CSMD3: variants seen among roughly 807,000 people sequenced by gnomAD.
CSMD3 encodes CUB and Sushi multiple domains 3.
In CSMD3, 177 loss-of-function variants were observed where a neutral mutation model predicts 435.2. The observed-to-expected ratio is 0.41, with a 90% CI of 0.36 to 0.46. The LOEUF is 0.46. Ranked by LOEUF, CSMD3 falls within the 20% of genes least tolerant of loss-of-function variation. The probability of loss-of-function intolerance (pLI) is 0.34; values close to 1 mark genes in which losing one functional copy is unlikely to be tolerated. For synonymous variants in CSMD3, 1,656 were observed against 1,520.5 expected, an observed-to-expected ratio of 1.09 and a Z score of -2.07; for missense variants, 4,265 against 4,504.6, an observed-to-expected ratio of 0.95 and a Z score of 1.52.
At chr8:113,081,074 GA>G (rs2089544258) in intron 5 of CSMD3, among the ~76,000 whole-genome samples, 1 of 151,930 alleles carries the variant, frequency 6.6e-6, no homozygotes, top group African/African-American at 2.4e-5. Flanking sequence ...TAATGTACAG[GA>G]TATTAAAAAG....
rs2131023528 is a variant in CSMD3 at position 112,346,165 on chromosome 8, G to A, written c.6374C>T (p.Pro2125Leu). 1 of 1,613,646 alleles carries A rather than the reference G, an allele frequency of 6.2e-7. No homozygotes were observed. The highest frequency in any genetic ancestry group is 8.5e-7 in the Non-Finnish European group (1 of 1,179,642). The change falls in exon 41 of 71, where the codon CCT becomes CTT. Residue 2125 changes from proline (P) to leucine (L), a missense_variant. This residue lies in a region of CSMD3 where 3,255 missense variants were observed against 3,380.2 expected (regional missense o/e 0.96). Coordinates refer to ENST00000297405, the MANE Select transcript of CSMD3 (RefSeq NM_198123.2). The part of the protein sequence containing the change: ...MSDFSGVILS[P>L]GFPGNYPSSL... The stretch of plus-strand genomic sequence containing the variant: ...GCTGGGATAGTTTCCAGGAAACCCA[G>A]GACTGAGGATCACACCACTGAAGTC...
intron 4 of CSMD3, among the ~76,000 whole-genome samples, chr8:113,116,053 AG>A (rs1428174639): frequency 6.6e-6 from 1 of 152,172 alleles, no homozygotes; most frequent in Non-Finnish European, 1.5e-5. Context: ...CCCTGTATCC[AG>A]GACAGTGAGA....
intron 2 of CSMD3, among the ~76,000 whole-genome samples, chr8:113,294,633 A>G (rs1236127392): frequency 6.6e-6 from 1 of 152,126 alleles, no homozygotes; most frequent in Non-Finnish European, 1.5e-5. Flanking sequence ...TTAGAAAATC[A>G]CCTTGTTCTG....
At chr8:113,394,165 C>CAT (rs1203069264) in intron 1 of CSMD3, among the ~76,000 whole-genome samples, 1 of 137,524 alleles carries the variant, frequency 7.3e-6, no homozygotes, top group East Asian at 2.6e-4. Flanking sequence ...GAATTACACA[C>CAT]ACACACACAC....
At chr8:113,265,514 T>C (rs1453243145) in intron 3 of CSMD3, among the ~76,000 whole-genome samples, 1 of 151,652 alleles carries the variant, frequency 6.6e-6, no homozygotes, top group Non-Finnish European at 1.5e-5. Flanking sequence ...CTGCTTAATG[T>C]CTAAAAGCAT....
At chr8:113,429,894 T>C (rs1399813973) in intron 1 of CSMD3, among the ~76,000 whole-genome samples, 1 of 152,170 alleles carries the variant, frequency 6.6e-6, no homozygotes, top group Non-Finnish European at 1.5e-5. Flanking sequence ...AACTAGCTGA[T>C]ATTTAAGGAC....
intron 5 of CSMD3, among the ~76,000 whole-genome samples, chr8:113,084,159 G>A (rs1248672269): frequency 6.6e-6 from 1 of 152,038 alleles, no homozygotes; most frequent in East Asian, 1.9e-4. Context: ...AAAAGAGAAA[G>A]CCAAATTATC....
rs1221305878 is a variant in CSMD3, at chr8:112,228,836, A to T, written c.10884T>A (p.Ser3628Arg). 6.3e-7 allele frequency: 1 copy of T among 1,590,112 alleles called. No individual in the cohort carries two copies. Among genetic ancestry groups the T allele is most frequent in the Non-Finnish European group, 8.6e-7 (1 of 1,158,912 alleles). ...NSSNQPHGTN[S>R]SSVAIAILVP... ...CAAGAATAGCAATGGCTACAGAACT[A>T]CTATTTGTACCATGAGGTTGATTTG... is the stretch of plus-strand genomic sequence containing the variant. Residue 3628 changes from serine to arginine, a missense_variant, in exon 70 of 71, where the codon AGT becomes AGA. Ser to Arg is a moderately radical substitution (Grantham distance 110). Around this residue, in one of 3 missense-constraint regions of CSMD3, gnomAD observed 3,255 missense variants for 3,380.2 expected, o/e 0.96. Coordinates refer to ENST00000297405, the MANE Select transcript of CSMD3 (RefSeq NM_198123.2).
intron 29 of CSMD3, among the ~76,000 whole-genome samples, chr8:112,505,296 T>A (rs114509252): frequency 4.7e-4 from 71 of 152,266 alleles, no homozygotes; most frequent in African/African-American, 1.5e-3. Context: ...TCAGTGGATC[T>A]GAGGCCTGTA....
In CSMD3 at chr8:112,518,044, G is replaced by T. The variant is rs367608710; in HGVS notation, c.4565-819C>A. Among the ~76,000 whole-genome samples the T allele has an allele frequency of 1.1e-3, 171 of 152,188 alleles. 1 individual carries two copies. The highest frequency in any genetic ancestry group is 3.9e-3 in the African/African-American group (161 of 41,524). On this transcript the variant is annotated intron_variant, in intron 27 of 70. Coordinates refer to ENST00000297405, the MANE Select transcript of CSMD3 (RefSeq NM_198123.2). ...TCATTCAACAGGTAAATGTTTAAAC[G>T]ATGGTAAATCCATGCAATGGAATAT... is the stretch of plus-strand genomic sequence containing the variant.
chr8:112,771,283 T>C (rs994014856), intron 13 of CSMD3, among the ~76,000 whole-genome samples: 2 of 152,046 alleles, frequency 1.3e-5, no homozygotes, highest in African/African-American at 4.8e-5. Flanking sequence ...TTTACGCCTA[T>C]AATCCCAGAA....
chr8:112,416,987 A>C (rs1300256125), intron 32 of CSMD3, among the ~76,000 whole-genome samples: 1 of 152,182 alleles, frequency 6.6e-6, no homozygotes, highest in Non-Finnish European at 1.5e-5. Flanking sequence ...TAAGGGCAGC[A>C]GGTCTCTCTG....
chr8:113,338,703 G>T (rs1588549128), intron 1 of CSMD3, among the ~76,000 whole-genome samples: 1 of 151,964 alleles, frequency 6.6e-6, no homozygotes, highest in East Asian at 1.9e-4. Flanking sequence ...AATGATTAGT[G>T]GTTGATTAGG....
intron 27 of CSMD3, among the ~76,000 whole-genome samples, chr8:112,537,868 A>C (rs1826281047): frequency 6.6e-6 from 1 of 152,094 alleles, no homozygotes; most frequent in Non-Finnish European, 1.5e-5. Context: ...ACCCTTCCAA[A>C]CTCATTCTAT....
chr8:112,847,232 T>C (rs2080348962), intron 11 of CSMD3, among the ~76,000 whole-genome samples: 1 of 152,214 alleles, frequency 6.6e-6, no homozygotes, highest in Non-Finnish European at 1.5e-5. Flanking sequence ...CTGTTATCTG[T>C]TCATTATCTT....
intron 22 of CSMD3, among the ~76,000 whole-genome samples, chr8:112,597,385 A>C (rs1447494954): frequency 6.7e-6 from 1 of 148,562 alleles, no homozygotes; most frequent in African/African-American, 2.5e-5. Context: ...ATAGTTTACC[A>C]ACCAAAAAGA....
chr8:112,619,465 T>C (rs1833900808), intron 22 of CSMD3, among the ~76,000 whole-genome samples: 1 of 152,072 alleles, frequency 6.6e-6, no homozygotes, highest in East Asian at 1.9e-4. Flanking sequence ...ATTTCATACA[T>C]TTTCTCTTCT....
chr8:112,714,805 C>A (rs1015988775), intron 13 of CSMD3, among the ~76,000 whole-genome samples: 4 of 152,110 alleles, frequency 2.6e-5, no homozygotes, highest in Non-Finnish European at 4.4e-5. Context: ...AATTGAATAA[C>A]CTGCTCCTGA....
chr8:112,297,452 G>C (rs1820422711), intron 53 of CSMD3, among the ~76,000 whole-genome samples: 1 of 151,780 alleles, frequency 6.6e-6, no homozygotes, highest in Admixed American at 6.6e-5. Flanking sequence ...CTGTAATTTT[G>C]ACATAATAAA....
Sources: allele counts gnomAD v4.1 joint callset (sites outside exome capture counted in the v4.1 genomes callset), GRCh38; gene constraint gnomAD v4.1.1; regional missense constraint gnomAD v4.1.1; transcripts MANE v1.5; gene names NCBI Gene and HGNC (gene_info 2026-07-23, HGNC 2026-07-21).